Variants in EPHA8 observed in about 807,000 individuals in gnomAD.
EPHA8 encodes the protein ephrin type-A receptor 8.
Under a neutral mutation model 103.6 loss-of-function variants are expected in EPHA8, and 58 were observed. The observed-to-expected ratio is 0.56, with a 90% CI of 0.45 to 0.70. The LOEUF is 0.70. Among genes scored for constraint, EPHA8 ranks in the 30% least tolerant of loss-of-function variants. The pLI, the probability that EPHA8 is intolerant of heterozygous loss-of-function variation, is 0.00. For missense variants in EPHA8, 1,304 were observed against 1,395.2 expected, an observed-to-expected ratio of 0.93 and a Z score of 1.04; for synonymous variants, 559 against 572.5, an observed-to-expected ratio of 0.98 and a Z score of 0.34.
rs1474642559 is a variant in EPHA8 at position 22,586,628 on chromosome 1, C to A, written c.972C>A (p.Ala324=). 1.9e-6 allele frequency: 3 copies of A among 1,613,872 alleles called. No homozygotes were observed. Among genetic ancestry groups the A allele is most frequent in the Non-Finnish European group, 2.5e-6 (3 of 1,179,912 alleles). ...YRAALDPPSS[A]CTRPPSAPVN... Reference sequence around the variant, plus strand: ...CAGCCCTGGACCCGCCGTCCTCAGCCTGCACCCGTGAGTACCACTCCGAGA... The same window carrying A: ...CAGCCCTGGACCCGCCGTCCTCAGCATGCACCCGTGAGTACCACTCCGAGA... The change falls in exon 4 of 17, where the codon GCC becomes GCA. Residue 324 remains alanine (A), a synonymous_variant. Coordinates refer to ENST00000166244, the MANE Select transcript of EPHA8 (RefSeq NM_020526.5).
At chr1:22,571,203 G>A (rs1008266527) in intron 2 of EPHA8, among the ~76,000 whole-genome samples, 3 of 152,196 alleles carry the variant, frequency 2.0e-5, no homozygotes, top group Admixed American at 6.5e-5. Flanking sequence ...GTTTTCATGC[G>A]GGGCGCTATA....
intron 3 of EPHA8, among the ~76,000 whole-genome samples, chr1:22,577,990 C>T (rs62641604): frequency 6.1e-3 from 1 of 164 alleles, no homozygotes; most frequent in Non-Finnish European, 0.011. Context: ...TGCATGTGTG[C>T]ATGTACACCT....
In EPHA8 at chr1:22,602,407, G is replaced by T. The variant is rs949747188; in HGVS notation, c.*666G>T. The T allele has an allele frequency of 2.6e-5, 4 of 153,354 alleles. No individual in the cohort carries two copies. Among genetic ancestry groups the T allele is most frequent in the Non-Finnish European group, 5.8e-5 (4 of 68,738 alleles). 9.5% of individuals were successfully genotyped at this position (153,354 alleles called of 1,614,324 possible). The stretch of plus-strand genomic sequence containing the variant: ...CTGCCTGGGTGAGCCCACCCCGGCT[G>T]TATCTCAGGTCTGGGTCCTCCCTCT... On this transcript the variant is annotated 3_prime_UTR_variant, in exon 17 of 17. Coordinates refer to ENST00000166244, the MANE Select transcript of EPHA8 (RefSeq NM_020526.5).
At chr1:22,568,613 C>A (rs1294582778) in intron 1 of EPHA8, among the ~76,000 whole-genome samples, 2 of 152,216 alleles carry the variant, frequency 1.3e-5, no homozygotes, top group African/African-American at 4.8e-5. Flanking sequence ...TCTCAAGCTC[C>A]CCTTGCAGAT....
intron 7 of EPHA8, 38 bp from the exon 8 acceptor site, chr1:22,595,192 T>C (rs1226059528): frequency 6.4e-7 from 1 of 1,566,680 alleles, no homozygotes; most frequent in Non-Finnish European, 8.7e-7. Context: ...AGGCCAGGGC[T>C]GAGAGCCTGG....
intron 8 of EPHA8, among the ~76,000 whole-genome samples, 198 bp downstream of exon 8, chr1:22,595,521 C>T (rs1042564959): frequency 2.0e-5 from 3 of 152,172 alleles, no homozygotes; most frequent in Admixed American, 1.3e-4. Context: ...AATTGGGGAT[C>T]AGAGAGGTTA....
At position 22,596,152 on chromosome 1, in the gene EPHA8, A is replaced by T. The variant is rs374833210; in HGVS notation, c.1744A>T (p.Met582Leu). 11 of 1,613,950 alleles carry T rather than the reference A, an allele frequency of 6.8e-6. No individual in the cohort carries two copies. The African/African-American group carries it at 1.3e-4, about 20-fold the overall frequency. ...CTTCCAGGACTCGGACGAGGAGAAG[A>T]TGCACTATCAGAATGGACAGGGTGA... Reference protein sequence around the residue: ...KAFQDSDEEKMHYQNGQAPPP... With the variant: ...KAFQDSDEEKLHYQNGQAPPP... The change falls in exon 9 of 17, where the codon ATG (methionine) becomes TTG (leucine). Residue 582 changes from methionine to leucine, a missense_variant. Met to Leu is a conservative substitution (Grantham distance 15). Transcript: ENST00000166244.
At chr1:22,570,525 C>T (rs942504771) in intron 2 of EPHA8, among the ~76,000 whole-genome samples, 9 of 152,220 alleles carry the variant, frequency 5.9e-5, no homozygotes, top group South Asian at 2.1e-4. Context: ...ATGATGATAA[C>T]GACACCAACA....
intron 3 of EPHA8, among the ~76,000 whole-genome samples, chr1:22,578,670 T>G (rs1365402959): frequency 6.6e-6 from 1 of 151,184 alleles, no homozygotes. Flanking sequence ...AGTGTATGTA[T>G]GCATTTGTGC....
intron 3 of EPHA8, among the ~76,000 whole-genome samples, chr1:22,577,369 A>G (rs559903643): frequency 6.6e-5 from 10 of 152,310 alleles, no homozygotes; most frequent in Admixed American, 5.2e-4. Flanking sequence ...AAGGTCATGC[A>G]GCTGGGGATG....
chr1:22,589,019 C>T lies in EPHA8; in HGVS notation c.1128C>T (p.Cys376=), dbSNP rs535208372. 1.9e-4 allele frequency: 299 copies of T among 1,612,832 alleles called. 1 individual carries two copies. The South Asian group carries it at 2.1e-3, about 11-fold the overall frequency. ...CRRCPWALSR[C]EACGSGTRFV... ...GCTGCCCCTGGGCACTGAGCCGCTG[C>T]GAGGCATGTGGGAGCGGCACCCGCT... Residue 376 remains cysteine (C), a synonymous_variant, in exon 5 of 17, where the codon TGC becomes TGT. Coordinates refer to ENST00000166244, the MANE Select transcript of EPHA8 (RefSeq NM_020526.5). This position sits in a 1 kb window ranked among gnomAD's most constrained non-coding sequence, Gnocchi z 4.3.
intron 3 of EPHA8, among the ~76,000 whole-genome samples, chr1:22,585,381 A>T (rs1193281527): frequency 1.3e-5 from 2 of 151,550 alleles, no homozygotes; most frequent in African/African-American, 4.9e-5. Context: ...CATTTTGGAG[A>T]CTCCCTCAAC....
chr1:22,589,561 A>G lies in EPHA8; in HGVS notation c.1315+355A>G. 1 of 1,354,038 alleles carries G rather than the reference A, an allele frequency of 7.4e-7. No homozygotes were observed. Among genetic ancestry groups the G allele is most frequent in the Middle Eastern group, 2.7e-4 (1 of 3,692 alleles). 83.9% of individuals were successfully genotyped at this position (1,354,038 alleles called of 1,614,324 possible). ...AGGAGGCTTAAATGAGAGGAATGAA[A>G]TTGCTTAGCCCAGCACCTGGCCCGT... On this transcript the variant is annotated intron_variant, in intron 5 of 16. Transcript: ENST00000166244. The surrounding 1 kb of genome is among the most constrained non-coding windows in gnomAD (Gnocchi z 4.3).
intron 3 of EPHA8, among the ~76,000 whole-genome samples, chr1:22,577,916 TGA>T (rs1180941134): frequency 1.7e-5 from 2 of 116,138 alleles, no homozygotes; most frequent in Non-Finnish European, 3.6e-5. Flanking sequence ...TATGTGTGCG[TGA>T]GTGTATGTGT....
chr1:22,576,721 G>A lies in EPHA8; in HGVS notation c.664G>A (p.Asp222Asn), dbSNP rs1351802924. 4 of 1,613,854 alleles carry A rather than the reference G, an allele frequency of 2.5e-6. No individual in the cohort carries two copies. The highest frequency in any genetic ancestry group is 2.2e-5 in the East Asian group (1 of 44,886). The change falls in exon 3 of 17, where the codon GAC becomes AAC. Residue 222 changes from aspartate to asparagine, a missense_variant. Coordinates refer to ENST00000166244, the MANE Select transcript of EPHA8 (RefSeq NM_020526.5). The surrounding 1 kb of genome is among the most constrained non-coding windows in gnomAD (Gnocchi z 4.8). Reference sequence around the variant, plus strand: ...CTTCTCGGAGGCAGTGACGGGGGCCGACTCGTCCTCACTGGTGGAGGTGAG... The same window carrying A: ...CTTCTCGGAGGCAGTGACGGGGGCCAACTCGTCCTCACTGGTGGAGGTGAG... ...AAFSEAVTGA[D>N]SSSLVEVRGQ...
chr1:22,577,782 A>G (rs567818296), intron 3 of EPHA8, among the ~76,000 whole-genome samples: 9 of 147,540 alleles, frequency 6.1e-5, no homozygotes, highest in East Asian at 2.0e-4. Flanking sequence ...GTGTGTGTGC[A>G]TGTGTGCGTG....
chr1:22,589,224 G>T lies in EPHA8; in HGVS notation c.1315+18G>T. 6.2e-7 allele frequency: 1 copy of T among 1,613,966 alleles called. No individual in the cohort carries two copies. The highest frequency in any genetic ancestry group is 8.5e-7 in the Non-Finnish European group (1 of 1,180,006). On this transcript the variant is annotated intron_variant, in intron 5 of 16. Coordinates refer to ENST00000166244, the MANE Select transcript of EPHA8 (RefSeq NM_020526.5). The surrounding 1 kb of genome is among the most constrained non-coding windows in gnomAD (Gnocchi z 4.3). ...CCAGGCAGGTAGGCGGAGAAACTCCGTCCCGCAGCGTCCTGGTCCCCCAGC... is the reference window on the plus strand; with the variant it reads ...CCAGGCAGGTAGGCGGAGAAACTCCTTCCCGCAGCGTCCTGGTCCCCCAGC...
At chr1:22,591,250 T>C (rs1377977688) in intron 5 of EPHA8, among the ~76,000 whole-genome samples, 5 of 151,820 alleles carry the variant, frequency 3.3e-5, no homozygotes, top group Non-Finnish European at 7.4e-5. Context: ...TTTGAGACAA[T>C]GTCTCTATCT....
At chr1:22,579,331 A>G (rs988770912) in intron 3 of EPHA8, among the ~76,000 whole-genome samples, 93 of 147,336 alleles carry the variant, frequency 6.3e-4, no homozygotes, top group Middle Eastern at 3.8e-3. Flanking sequence ...GCATGTGTCC[A>G]TGTGTGCATG....
Sources: allele counts gnomAD v4.1 joint callset (sites outside exome capture counted in the v4.1 genomes callset), GRCh38; gene constraint gnomAD v4.1.1; non-coding constraint Gnocchi (gnomAD v3.1); transcripts MANE v1.5; gene names NCBI Gene and HGNC (gene_info 2026-07-23, HGNC 2026-07-21).